CNTN5: variants seen among roughly 807,000 people sequenced by gnomAD.
The protein encoded by CNTN5 is contactin 5, also known as contactin-5.
In CNTN5, 77 loss-of-function variants were observed where a neutral mutation model predicts 129.1. The ratio of observed to expected loss-of-function variants is 0.60; its 90% confidence interval spans 0.50 to 0.72. The LOEUF (loss-of-function observed/expected upper bound fraction) is 0.72. Among genes scored for constraint, CNTN5 ranks in the 30% least tolerant of loss-of-function variants. CNTN5 has a pLI of 0.00. For missense variants in CNTN5, 1,478 were observed against 1,328.8 expected (o/e 1.11, Z -1.75); for synonymous variants, 509 against 465.6 (o/e 1.09, Z -1.20).
intron 1 of CNTN5, among the ~76,000 whole-genome samples, chr11:99,171,482 A>G (rs948270244): frequency 6.6e-6 from 1 of 152,150 alleles, no homozygotes; most frequent in African/African-American, 2.4e-5. Context: ...GTCATGTAAC[A>G]CGTACTCCAG....
intron 1 of CNTN5, among the ~76,000 whole-genome samples, chr11:99,035,519 A>G (rs1863673755): frequency 2.0e-5 from 3 of 149,622 alleles, no homozygotes; most frequent in Admixed American, 6.7e-5. Flanking sequence ...CTTTACCATT[A>G]TGTAATGGCC....
intron 18 of CNTN5, among the ~76,000 whole-genome samples, chr11:100,284,669 A>G (rs7107800): frequency 0.79 from 120,871 of 152,128 alleles, 49,138 homozygotes; most frequent in East Asian, 0.95. Flanking sequence ...ACGGTTGAAA[A>G]ATAAATGAAA....
intron 3 of CNTN5, among the ~76,000 whole-genome samples, chr11:99,764,144 T>C (rs2135295421): frequency 6.6e-6 from 1 of 152,234 alleles, no homozygotes; most frequent in African/African-American, 2.4e-5. Context: ...ATAGACTATA[T>C]GAGCAGAAAA....
At chr11:99,963,373 A>C (rs950128720) in intron 8 of CNTN5, among the ~76,000 whole-genome samples, 1 of 152,220 alleles carries the variant, frequency 6.6e-6, no homozygotes, top group African/African-American at 2.4e-5. Context: ...AGCTTTCTAC[A>C]TATGGCTAGC....
At chr11:99,216,718 G>A (rs1463827188) in intron 1 of CNTN5, among the ~76,000 whole-genome samples, 1 of 151,958 alleles carries the variant, frequency 6.6e-6, no homozygotes, top group Non-Finnish European at 1.5e-5. Flanking sequence ...CATTGGTCTG[G>A]GCAAATATTT....
intron 18 of CNTN5, among the ~76,000 whole-genome samples, chr11:100,292,192 C>G (rs1001489420): frequency 1.3e-5 from 2 of 151,966 alleles, no homozygotes; most frequent in Non-Finnish European, 2.9e-5. Flanking sequence ...CCAGGTCAGA[C>G]AAGAAGGAGA....
intron 9 of CNTN5, among the ~76,000 whole-genome samples, chr11:100,046,145 G>C (rs1297763539): frequency 5.1e-5 from 7 of 137,804 alleles, no homozygotes; most frequent in Non-Finnish European, 7.8e-5. Context: ...TGTGGAGTTG[G>C]GGGAGGGGGG....
intron 3 of CNTN5, among the ~76,000 whole-genome samples, chr11:99,779,578 A>G (rs1945242519): frequency 6.6e-6 from 1 of 152,050 alleles, no homozygotes; most frequent in African/African-American, 2.4e-5. Context: ...TGTGCCAAGT[A>G]TTAGTCCTTG....
At chr11:99,538,698 A>G (rs1011691492) in intron 2 of CNTN5, among the ~76,000 whole-genome samples, 1 of 152,152 alleles carries the variant, frequency 6.6e-6, no homozygotes, top group Non-Finnish European at 1.5e-5. Context: ...GTTTTAGAAC[A>G]GTGAGTACTG....
At chr11:100,205,000 A>G (rs982428119) in intron 15 of CNTN5, among the ~76,000 whole-genome samples, 4 of 152,014 alleles carry the variant, frequency 2.6e-5, no homozygotes, top group Non-Finnish European at 5.9e-5. Flanking sequence ...TAGTTTTTTG[A>G]AAGCCTTCTT....
chr11:99,969,546 T>A (rs915516443), intron 8 of CNTN5, among the ~76,000 whole-genome samples: 1 of 152,158 alleles, frequency 6.6e-6, no homozygotes, highest in Non-Finnish European at 1.5e-5. Context: ...TAATTGGGCA[T>A]GGGGCCTCAC....
chr11:99,442,019 C>T (rs1943851947), intron 2 of CNTN5, among the ~76,000 whole-genome samples: 1 of 152,050 alleles, frequency 6.6e-6, no homozygotes, highest in African/African-American at 2.4e-5. Context: ...TTGTAATCTC[C>T]TCCAGGATGT....
chr11:99,721,449 G>C (rs1417349277), intron 3 of CNTN5, among the ~76,000 whole-genome samples: 3 of 152,096 alleles, frequency 2.0e-5, no homozygotes, highest in Non-Finnish European at 4.4e-5. Flanking sequence ...ATGGAAGCTG[G>C]ACCCCTTCCT....
At chr11:99,973,959 A>T (rs1459404136) in intron 8 of CNTN5, among the ~76,000 whole-genome samples, 1 of 152,190 alleles carries the variant, frequency 6.6e-6, no homozygotes, top group Non-Finnish European at 1.5e-5. Flanking sequence ...ACATACTGAG[A>T]GGTAATTCAG....
intron 1 of CNTN5, among the ~76,000 whole-genome samples, chr11:99,264,614 G>A (rs1862801161): frequency 6.6e-6 from 1 of 152,048 alleles, no homozygotes; most frequent in African/African-American, 2.4e-5. Flanking sequence ...ATGCAACATA[G>A]TTTGAGAAAA....
intron 21 of CNTN5, among the ~76,000 whole-genome samples, chr11:100,332,627 C>A (rs1235329639): frequency 6.6e-6 from 1 of 152,018 alleles, no homozygotes; most frequent in Non-Finnish European, 1.5e-5. Context: ...GGTTTCATAC[C>A]AGGGATACAG....
At chr11:99,663,756 G>A (rs2135925090) in intron 3 of CNTN5, among the ~76,000 whole-genome samples, 1 of 152,126 alleles carries the variant, frequency 6.6e-6, no homozygotes, top group East Asian at 1.9e-4. Flanking sequence ...TTCCCCTTCT[G>A]CCATGATTCT....
chr11:100,059,777 G>T (rs1943386782), intron 9 of CNTN5, among the ~76,000 whole-genome samples: 1 of 152,084 alleles, frequency 6.6e-6, no homozygotes, highest in African/African-American at 2.4e-5. Flanking sequence ...AAACAATTTG[G>T]CAGTACTTAT....
At chr11:99,936,975 C>T (rs959244026) in intron 7 of CNTN5, among the ~76,000 whole-genome samples, 11 of 151,994 alleles carry the variant, frequency 7.2e-5, no homozygotes, top group African/African-American at 1.5e-4. Context: ...CCACATGAGA[C>T]GCACAGGGAT....
Sources: allele counts gnomAD v4.1 joint callset (sites outside exome capture counted in the v4.1 genomes callset), GRCh38; gene constraint gnomAD v4.1.1; transcripts MANE v1.5; gene names NCBI Gene and HGNC (gene_info 2026-07-23, HGNC 2026-07-21).